Variants in ELF3 observed in about 807,000 individuals in gnomAD.
ELF3 encodes the protein E74 like ETS transcription factor 3.
ELF3 carries 18 observed loss-of-function variants against 43.9 expected under a neutral mutation model. The ratio of observed to expected loss-of-function variants is 0.41; its 90% CI spans 0.28 to 0.61. The LOEUF is 0.61. Ranked by LOEUF, ELF3 falls within the 20% of genes least tolerant of loss-of-function variation. ELF3 has a pLI of 0.30. For synonymous variants in ELF3, 181 were observed against 190.2 expected (o/e 0.95, Z 0.40); for missense variants, 373 against 487.7 (o/e 0.76, Z 2.21).
In ELF3 at chr1:202,013,479, T is replaced by G. The variant is rs1684253872; in HGVS notation, c.805+181T>G. On this transcript the variant is annotated intron_variant, in intron 7 of 8. Transcript: ENST00000367284. This position sits in a 1 kb window ranked among gnomAD's most constrained non-coding sequence, Gnocchi z 5.7. ...CACCACCTAATTGCAGAGCCTGGCT[T>G]GGTGGTCCTGGAGAGGAGGAGGAAA... 6.6e-6 allele frequency among the ~76,000 whole-genome samples: 1 copy of G among 152,072 alleles called. No individual in the cohort carries two copies. The highest frequency in any genetic ancestry group is 2.1e-4 in the South Asian group (1 of 4,808).
In ELF3 at chr1:202,011,172, C is replaced by T. The variant is rs984694570; in HGVS notation, c.36C>T (p.Ser12=). 6.2e-7 allele frequency: 1 copy of T among 1,614,132 alleles called. No homozygotes were observed. The highest frequency in any genetic ancestry group is 1.1e-5 in the South Asian group (1 of 91,082). Residue 12 remains serine, a synonymous_variant, in exon 2 of 9, where the codon AGC becomes AGT. Coordinates refer to ENST00000367284, the MANE Select transcript of ELF3 (RefSeq NM_004433.5). ...CCTGTGAGATTAGCAACATTTTTAG[C>T]AACTACTTCAGTGCGATGTACAGCT... The part of the protein sequence containing the change: ...AATCEISNIF[S]NYFSAMYSSE...
In ELF3 at chr1:202,015,237, C is replaced by G; in HGVS notation, c.1030C>G (p.Arg344Gly). 2 of 1,613,936 alleles carry G rather than the reference C, an allele frequency of 1.2e-6. No individual in the cohort carries two copies. The highest frequency in any genetic ancestry group is 1.7e-6 in the Non-Finnish European group (2 of 1,179,984). ...CTACTACAAACGGGAGATCCTGGAA[C>G]GGGTGGATGGCCGGCGACTCGTCTA... The part of the protein sequence containing the change: ...RYYYKREILE[R>G]VDGRRLVYKF... Residue 344 changes from arginine (R) to glycine (G), a missense_variant, in exon 9 of 9, where the codon CGG (arginine) becomes GGG (glycine). By Grantham distance (125) the Arg-to-Gly change is moderately radical. Around this residue, in one of 3 missense-constraint regions of ELF3, gnomAD observed 61 missense variants for 115.9 expected, o/e 0.53. Transcript: ENST00000367284.
chr1:202,011,402 A>G (rs1684192843), intron 2 of ELF3, 103 bp downstream of exon 2: 1 of 1,397,158 alleles, frequency 7.2e-7, no homozygotes, highest in Non-Finnish European at 9.5e-7. Context: ...GTCTCTAGGC[A>G]AATTCCAGGG....
In ELF3 at chr1:202,014,043, C is replaced by T. The variant is rs1263854142; in HGVS notation, c.1001+19C>T. The T allele has an allele frequency of 6.3e-7, 1 of 1,597,122 alleles. No homozygotes were observed. The highest frequency in any genetic ancestry group is 1.1e-5 in the South Asian group (1 of 89,438). The stretch of plus-strand genomic sequence containing the variant: ...CCATGAGGTGAGCTGGCGGCCAGGA[C>T]CCTCACGATACAGCCGGACATGGGG... On this transcript the variant is annotated intron_variant, in intron 8 of 8. Coordinates refer to ENST00000367284, the MANE Select transcript of ELF3 (RefSeq NM_004433.5).
intron 8 of ELF3, chr1:202,014,839 C>G (rs1340487370): frequency 4.9e-6 from 1 of 203,952 alleles, no homozygotes; most frequent in African/African-American, 2.3e-5. Flanking sequence ...AACTCCTGAC[C>G]TCAAGTGATC....
intron 8 of ELF3, 56 bp downstream of exon 8, chr1:202,014,080 C>T (rs556979167): frequency 1.9e-5 from 29 of 1,526,748 alleles, no homozygotes; most frequent in Non-Finnish European, 1.3e-5. Context: ...CAGGCGCTCA[C>T]ACTCCCACCG....
chr1:202,015,186 T>C (rs1684287230), intron 8 of ELF3, 23 bp from the exon 9 acceptor site: 1 of 1,613,318 alleles, frequency 6.2e-7, no homozygotes, highest in Non-Finnish European at 8.5e-7. Context: ...AAAGCACCTC[T>C]GACCATCCTT....
At chr1:202,015,144 G>A (rs1684286360) in intron 8 of ELF3, 65 bp from the exon 9 acceptor site, 3 of 1,565,038 alleles carry the variant, frequency 1.9e-6, no homozygotes, top group East Asian at 2.2e-5. Context: ...GGCCAGGTGG[G>A]CGGGCTGGCA....
chr1:202,012,286 G>A lies in ELF3; in HGVS notation c.386-58G>A, dbSNP rs1018070375. The A allele has an allele frequency of 6.2e-7, 1 of 1,609,582 alleles. No individual in the cohort carries two copies. Among genetic ancestry groups the A allele is most frequent in the African/African-American group, 1.3e-5 (1 of 74,804 alleles). On this transcript the variant is annotated intron_variant, in intron 3 of 8. Transcript: ENST00000367284. The surrounding 1 kb of genome is among the most constrained non-coding windows in gnomAD (Gnocchi z 4.2). ...GAGCTCTGGGCCAGCTGCACAGCCA[G>A]AGAGAGCCCTTGAGGGAGGGATTAG...
chr1:202,011,563 A>C (rs1684196284), intron 2 of ELF3: 1 of 494,576 alleles, frequency 2.0e-6, no homozygotes, highest in Non-Finnish European at 3.5e-6. Context: ...GTGAATCCCC[A>C]GTGTGCTCCA....
At chr1:202,015,172 T>C (rs770965543) in intron 8 of ELF3, 37 bp from the exon 9 acceptor site, 2 of 1,611,636 alleles carry the variant, frequency 1.2e-6, no homozygotes, top group South Asian at 2.2e-5. Context: ...GCCCATTTCC[T>C]GCCAAAGCAC....
rs965631486 is a variant in ELF3 at position 202,012,516 on chromosome 1, C to T, written c.478+80C>T. ...CTCCACAGAGTGCTAGAGATGACCC[C>T]CTCCCCAGACTTCTTCCTCCCTCAA... On this transcript the variant is annotated intron_variant, in intron 4 of 8. Coordinates refer to ENST00000367284, the MANE Select transcript of ELF3 (RefSeq NM_004433.5). The surrounding 1 kb of genome is among the most constrained non-coding windows in gnomAD (Gnocchi z 4.2). 9 of 1,566,514 alleles carry T rather than the reference C, an allele frequency of 5.7e-6. No homozygotes were observed. The highest frequency in any genetic ancestry group is 2.7e-5 in the African/African-American group (2 of 73,140).
chr1:202,011,355 G>T, intron 2 of ELF3, 56 bp downstream of exon 2: 1 of 1,497,442 alleles, frequency 6.7e-7, no homozygotes, highest in Non-Finnish European at 8.9e-7. Flanking sequence ...CCATCTAAGG[G>T]CCTGTTAGAC....
In ELF3 at chr1:202,012,247, G is replaced by A. The variant is rs552219941; in HGVS notation, c.385+69G>A. 4.1e-5 allele frequency: 66 copies of A among 1,605,430 alleles called. No individual in the cohort carries two copies. In the East Asian group the frequency reaches 1.4e-3, roughly 33 times the overall value. On this transcript the variant is annotated intron_variant, in intron 3 of 8. Coordinates refer to ENST00000367284, the MANE Select transcript of ELF3 (RefSeq NM_004433.5). This position sits in a 1 kb window ranked among gnomAD's most constrained non-coding sequence, Gnocchi z 4.2. Reference sequence around the variant, plus strand: ...GAGCTGAGTCGAGTTCAGTGTGGCCGTAGGCAGGCCCTGGAGCTCTGGGCC... The same window carrying A: ...GAGCTGAGTCGAGTTCAGTGTGGCCATAGGCAGGCCCTGGAGCTCTGGGCC...
In ELF3 at chr1:202,013,925, G is replaced by C; in HGVS notation, c.902G>C (p.Gly301Ala). ...GLMKWENRHE[G>A]VFKFLRSEAV... ...ATGAAGTGGGAGAATCGGCATGAAGGCGTCTTCAAGTTCCTGCGCTCCGAG... is the reference window on the plus strand; with the variant it reads ...ATGAAGTGGGAGAATCGGCATGAAGCCGTCTTCAAGTTCCTGCGCTCCGAG... The change falls in exon 8 of 9, where the codon GGC (glycine) becomes GCC (alanine). Residue 301 changes from glycine (G) to alanine (A), a missense_variant. This residue lies in a region of ELF3 where 61 missense variants were observed against 115.9 expected (regional missense o/e 0.53). Coordinates refer to ENST00000367284, the MANE Select transcript of ELF3 (RefSeq NM_004433.5). This position sits in a 1 kb window ranked among gnomAD's most constrained non-coding sequence, Gnocchi z 5.7. 1 of 1,614,146 alleles carries C rather than the reference G, an allele frequency of 6.2e-7. No homozygotes were observed. Among genetic ancestry groups the C allele is most frequent in the African/African-American group, 1.3e-5 (1 of 75,056 alleles).
In ELF3 at chr1:202,013,451, G is replaced by A. The variant is rs184938975; in HGVS notation, c.805+153G>A. 3.9e-5 allele frequency among the ~76,000 whole-genome samples: 6 copies of A among 152,186 alleles called. No individual in the cohort carries two copies. The highest frequency in any genetic ancestry group is 1.3e-4 in the Admixed American group (2 of 15,280). On this transcript the variant is annotated intron_variant, in intron 7 of 8. Coordinates refer to ENST00000367284, the MANE Select transcript of ELF3 (RefSeq NM_004433.5). This position sits in a 1 kb window ranked among gnomAD's most constrained non-coding sequence, Gnocchi z 5.7. The stretch of plus-strand genomic sequence containing the variant: ...CACAAGCTGGGGGCTCTATGGTATC[G>A]GTCACCACCTAATTGCAGAGCCTGG...
chr1:202,014,768 A>C (rs1174182207), intron 8 of ELF3: 1 of 165,600 alleles, frequency 6.0e-6, no homozygotes, highest in African/African-American at 2.4e-5. Context: ...CACCATGCCC[A>C]GCTAATTTTT....
intron 8 of ELF3, 29 bp from the exon 9 acceptor site, chr1:202,015,180 C>A: frequency 6.2e-7 from 1 of 1,611,992 alleles, no homozygotes; most frequent in Non-Finnish European, 8.5e-7. Context: ...CCTGCCAAAG[C>A]ACCTCTGACC....
At position 202,012,391 on chromosome 1, in the gene ELF3, A is replaced by G. The variant is rs758126415; in HGVS notation, c.433A>G (p.Lys145Glu). The G allele has an allele frequency of 2.5e-6, 4 of 1,614,050 alleles. No homozygotes were observed. Among genetic ancestry groups the G allele is most frequent in the Non-Finnish European group, 3.4e-6 (4 of 1,179,992 alleles). The part of the protein sequence containing the change: ...ELSWIIELLE[K>E]DGMAFQEALD... ...CAGTTGGATCATTGAGCTGCTGGAGAAGGATGGCATGGCCTTCCAGGAGGC... is the reference window on the plus strand; with the variant it reads ...CAGTTGGATCATTGAGCTGCTGGAGGAGGATGGCATGGCCTTCCAGGAGGC... Residue 145 changes from lysine (K) to glutamate (E), a missense_variant, in exon 4 of 9, where the codon AAG becomes GAG. Lys to Glu is a moderately conservative substitution (Grantham distance 56, BLOSUM62 1). Around this residue, in one of 3 missense-constraint regions of ELF3, gnomAD observed 311 missense variants for 351.2 expected, o/e 0.89. Coordinates refer to ENST00000367284, the MANE Select transcript of ELF3 (RefSeq NM_004433.5). This position sits in a 1 kb window ranked among gnomAD's most constrained non-coding sequence, Gnocchi z 4.2.
Sources: gnomAD v4.1 joint callset for allele counts (sites outside exome capture counted in the v4.1 genomes callset) on GRCh38, gnomAD v4.1.1 for gene constraint, gnomAD v4.1.1 regional missense constraint, Gnocchi (gnomAD v3.1) non-coding constraint, MANE v1.5 for transcripts, NCBI Gene and HGNC (gene_info 2026-07-23, HGNC 2026-07-21) for gene names.